Variants in ADAMTSL1 observed in about 807,000 individuals in gnomAD.
ADAMTSL1 encodes ADAMTS-like protein 1.
In ADAMTSL1, 126 loss-of-function variants were observed where a neutral mutation model predicts 201.8. The observed-to-expected ratio is 0.62, with a 90% confidence interval of 0.54 to 0.72. The LOEUF is 0.72. ADAMTSL1 is among the 30% of genes least tolerant of loss of function. The pLI, the probability that ADAMTSL1 is intolerant of heterozygous loss-of-function variation, is 0.00. For missense variants in ADAMTSL1, 2,679 were observed against 2,277.8 expected (o/e 1.18, Z -3.59); for synonymous variants, 1,121 against 903.4 (o/e 1.24, Z -4.32).
At chr9:18,161,392 G>A (rs556726102) in intron 1 of ADAMTSL1, among the ~76,000 whole-genome samples, 3 of 152,106 alleles carry the variant, frequency 2.0e-5, no homozygotes, top group African/African-American at 7.2e-5. Flanking sequence ...TAGCTTTTAA[G>A]AATTGGCATC....
intron 2 of ADAMTSL1, among the ~76,000 whole-genome samples, chr9:18,361,720 T>C (rs1389829936): frequency 6.6e-6 from 1 of 152,182 alleles, no homozygotes; most frequent in Non-Finnish European, 1.5e-5. Context: ...TAGTGCTGGA[T>C]TCAGATATTT....
chr9:18,101,092 C>A (rs1393191676), intron 1 of ADAMTSL1, among the ~76,000 whole-genome samples: 1 of 152,132 alleles, frequency 6.6e-6, no homozygotes, highest in Non-Finnish European at 1.5e-5. Context: ...TGTGTTGATA[C>A]ATTGTCTCTT....
At chr9:18,277,567 A>G (rs1457185369) in intron 2 of ADAMTSL1, among the ~76,000 whole-genome samples, 5 of 152,042 alleles carry the variant, frequency 3.3e-5, no homozygotes, top group East Asian at 1.9e-4. Context: ...CTTAAAGCCT[A>G]TTTTGTCTCA....
chr9:18,592,854 C>T (rs991094598), intron 4 of ADAMTSL1, among the ~76,000 whole-genome samples: 2 of 152,170 alleles, frequency 1.3e-5, no homozygotes, highest in Non-Finnish European at 2.9e-5. Context: ...AATCCATGAA[C>T]ATGGAATCTT....
chr9:18,153,843 C>T (rs1229724326), intron 1 of ADAMTSL1, among the ~76,000 whole-genome samples: 1 of 151,908 alleles, frequency 6.6e-6, no homozygotes, highest in Non-Finnish European at 1.5e-5. Context: ...TACAGAAAGC[C>T]ATAGGCACTT....
chr9:18,150,611 G>GGCTT (rs1278037956), intron 1 of ADAMTSL1, among the ~76,000 whole-genome samples: 1 of 152,132 alleles, frequency 6.6e-6, no homozygotes, highest in Admixed American at 6.6e-5. Flanking sequence ...GTGGAGAAGA[G>GGCTT]GCTTGCTCTT....
At chr9:18,026,645 G>A (rs992957609) in intron 1 of ADAMTSL1, among the ~76,000 whole-genome samples, 1 of 151,942 alleles carries the variant, frequency 6.6e-6, no homozygotes, top group African/African-American at 2.4e-5. Context: ...GTGTTCAGCA[G>A]GTATATTGGC....
chr9:18,667,904 T>C (rs1012234532), intron 9 of ADAMTSL1, among the ~76,000 whole-genome samples: 1 of 152,154 alleles, frequency 6.6e-6, no homozygotes, highest in Admixed American at 6.5e-5. Context: ...TTTTTAAATA[T>C]AATGATCACA....
chr9:17,979,917 G>C (rs536040564), intron 1 of ADAMTSL1, among the ~76,000 whole-genome samples: 1 of 152,152 alleles, frequency 6.6e-6, no homozygotes, highest in South Asian at 2.1e-4. Flanking sequence ...TTCTGCTTGG[G>C]TCCAGAAGGA....
intron 1 of ADAMTSL1, among the ~76,000 whole-genome samples, chr9:18,498,888 T>C (rs1216856319): frequency 1.3e-5 from 2 of 152,266 alleles, no homozygotes; most frequent in Non-Finnish European, 2.9e-5. Context: ...GCATGCTTCC[T>C]GGCATGCAGG....
chr9:18,137,463 C>A (rs1353609359), intron 1 of ADAMTSL1, among the ~76,000 whole-genome samples: 1 of 152,064 alleles, frequency 6.6e-6, no homozygotes, highest in Non-Finnish European at 1.5e-5. Flanking sequence ...AACAGACTAA[C>A]ATTGCAAGTC....
At chr9:18,000,456 C>T (rs181756176) in intron 1 of ADAMTSL1, among the ~76,000 whole-genome samples, 2 of 152,082 alleles carry the variant, frequency 1.3e-5, no homozygotes, top group East Asian at 3.9e-4. Context: ...TATGGACCCA[C>T]AGTCAGAGGA....
At chr9:18,870,174 A>G (rs1362615985) in intron 23 of ADAMTSL1, among the ~76,000 whole-genome samples, 1 of 152,196 alleles carries the variant, frequency 6.6e-6, no homozygotes, top group Non-Finnish European at 1.5e-5. Flanking sequence ...ATAGCTGCTT[A>G]AAGTCAGTGT....
In ADAMTSL1 at chr9:18,793,229, C is replaced by T. The variant is rs1379554020; in HGVS notation, c.3678-2168C>T. On this transcript the variant is annotated intron_variant, in intron 19 of 28. Coordinates refer to ENST00000380548, the MANE Select transcript of ADAMTSL1 (RefSeq NM_001040272.6). ...ACTCGATTGATTGATGGAAGCCTTA[C>T]TTCTACTTCCTGCCTTTCCTCTGAC... is the stretch of plus-strand genomic sequence containing the variant. 2.0e-5 allele frequency: 3 copies of T among 152,068 alleles called. No homozygotes were observed. In the East Asian group the frequency reaches 5.8e-4, roughly 29 times the overall value. The allele number at this position is 152,068 out of a possible 1,614,324, so 9.4% of individuals were successfully genotyped here.
intron 17 of ADAMTSL1, among the ~76,000 whole-genome samples, chr9:18,773,183 C>T (rs1228228687): frequency 1.3e-5 from 2 of 152,238 alleles, no homozygotes; most frequent in South Asian, 2.1e-4. Context: ...ACTATCTGGG[C>T]TCAATCTCAT....
rs1001814825 is a variant in ADAMTSL1, at chr9:18,846,601, G to T, written c.4249+16624G>T. On this transcript the variant is annotated intron_variant, in intron 23 of 28. Transcript: ENST00000380548. ...TTAAACAGCTTAAAAACAAGAGAGA[G>T]AGGTTGTCTAACTTGCGTTTTTAAA... 3.9e-5 allele frequency among the ~76,000 whole-genome samples: 6 copies of T among 152,300 alleles called. No individual in the cohort carries two copies. In the South Asian group the frequency reaches 1.2e-3, roughly 32 times the overall value.
intron 2 of ADAMTSL1, among the ~76,000 whole-genome samples, chr9:18,183,358 A>C (rs540058066): frequency 2.0e-4 from 30 of 152,332 alleles, no homozygotes; most frequent in African/African-American, 6.7e-4. Flanking sequence ...GGCATGATTC[A>C]CGAAATAATT....
intron 2 of ADAMTSL1, among the ~76,000 whole-genome samples, chr9:18,346,404 G>C (rs1001247907): frequency 6.6e-6 from 1 of 152,150 alleles, no homozygotes; most frequent in Non-Finnish European, 1.5e-5. Flanking sequence ...GAGCTGGGCA[G>C]TCTGGGTTTG....
At chr9:18,150,132 A>G (rs2132039811) in intron 1 of ADAMTSL1, among the ~76,000 whole-genome samples, 1 of 152,194 alleles carries the variant, frequency 6.6e-6, no homozygotes, top group Admixed American at 6.6e-5. Context: ...ATAAAGGTAC[A>G]TATATTTGAA....
Sources: gnomAD v4.1 joint callset for allele counts (sites outside exome capture counted in the v4.1 genomes callset) on GRCh38, gnomAD v4.1.1 for gene constraint, MANE v1.5 for transcripts, NCBI Gene and HGNC (gene_info 2026-07-23, HGNC 2026-07-21) for gene names.